The following ZNF546 variants were observed in gnomAD, a reference collection of about 807,000 sequenced individuals.
ZNF546 encodes the protein zinc finger protein 546.
Under a neutral mutation model 76.2 loss-of-function variants are expected in ZNF546, and 60 were observed. The ratio of observed to expected loss-of-function variants is 0.79; its 90% confidence interval spans 0.64 to 0.98. The LOEUF is 0.98. Among genes scored for constraint, ZNF546 ranks in the 50% least tolerant of loss-of-function variants. The pLI, the probability that ZNF546 is intolerant of heterozygous loss-of-function variation, is 0.00. For synonymous variants in ZNF546, 277 were observed against 328.1 expected, an observed-to-expected ratio of 0.84 and a Z score of 1.68; for missense variants, 936 against 1,035.6, an observed-to-expected ratio of 0.90 and a Z score of 1.32.
At chr19:40,013,640 C>CTTTTTTTTTTTTTTTTTTTT (rs546130223) in intron 6 of ZNF546, 25 bp from the exon 7 acceptor site, 1 of 970,936 alleles carries the variant, frequency 1.0e-6, no homozygotes, top group African/African-American at 2.1e-5. Flanking sequence ...TTACTCTTTG[C>CTTTTTTTTTTTTTTTTTTTT]TTTTTTTTTT....
At chr19:39,998,729 C>T (rs1454576174) in intron 3 of ZNF546, among the ~76,000 whole-genome samples, 1 of 152,118 alleles carries the variant, frequency 6.6e-6, no homozygotes, top group African/African-American at 2.4e-5. Flanking sequence ...ATAAAAAGTA[C>T]ATATGAGTAA....
Position 40,014,279 on chromosome 19 carries a change from G to T in ZNF546, c.1009G>T (p.Ala337Ser), listed in dbSNP as rs1015925134. The stretch of plus-strand genomic sequence containing the variant: ...TTATGAATGTAAAGAATGTGGGAAG[G>T]CCTTTAGACTTCATTATCAACTAAC... The part of the protein sequence containing the change: ...RPYECKECGK[A>S]FRLHYQLTEH... Residue 337 changes from alanine to serine, a missense_variant, in exon 7 of 7, where the codon GCC becomes TCC. Physicochemically the swap from Ala to Ser is moderately conservative, Grantham distance 99. Transcript: ENST00000347077. 3.0e-5 allele frequency: 48 copies of T among 1,613,896 alleles called. No individual in the cohort carries two copies. The highest frequency in any genetic ancestry group is 3.8e-5 in the Non-Finnish European group (45 of 1,179,966).
At position 40,019,696 on chromosome 19, in the gene ZNF546, A is replaced by C. The variant is rs1015891319; in HGVS notation, c.*3915A>C. The C allele has an allele frequency of 4.6e-5, 7 of 152,228 alleles. No individual in the cohort carries two copies. Among genetic ancestry groups the C allele is most frequent in the African/African-American group, 1.7e-4 (7 of 41,470 alleles). The allele number at this position is 152,228 out of a possible 1,614,324, so 9.4% of individuals were successfully genotyped here. On this transcript the variant is annotated 3_prime_UTR_variant, in exon 7 of 7. Transcript: ENST00000347077. The stretch of plus-strand genomic sequence containing the variant: ...TTCTTAAAAGGCAAAAATGTAGGTG[A>C]GTCATTACGAAGAAAGCAGAAATTC...
chr19:40,017,672 G>A lies in ZNF546; in HGVS notation c.*1891G>A, dbSNP rs1374665976. The A allele has an allele frequency of 2.0e-5, 3 of 152,094 alleles. No homozygotes were observed. Among genetic ancestry groups the A allele is most frequent in the African/African-American group, 7.2e-5 (3 of 41,414 alleles). The allele number at this position is 152,094 out of a possible 1,614,324, so 9.4% of individuals were successfully genotyped here. On this transcript the variant is annotated 3_prime_UTR_variant, in exon 7 of 7. Coordinates refer to ENST00000347077, the MANE Select transcript of ZNF546 (RefSeq NM_178544.5). ...TTTTTAAGCTCATCCGCCATTGTTA[G>A]CACATTTTATGTGTAGCCCAAGATA...
At chr19:40,011,248 C>CA (rs1971668370) in intron 6 of ZNF546, 1 of 148,242 alleles carries the variant, frequency 6.7e-6, no homozygotes, top group South Asian at 2.1e-4. Context: ...TTTTTTTTGA[C>CA]AGAGTCTCGC....
chr19:40,008,121 T>C (rs1971627734), intron 5 of ZNF546, among the ~76,000 whole-genome samples: 3 of 152,164 alleles, frequency 2.0e-5, no homozygotes, highest in South Asian at 4.1e-4. Flanking sequence ...TAAAAGTGAA[T>C]ATGTGCAGGG....
chr19:40,013,125 C>A (rs1012148104), intron 6 of ZNF546, among the ~76,000 whole-genome samples: 6 of 152,216 alleles, frequency 3.9e-5, no homozygotes, highest in Middle Eastern at 3.4e-3. Flanking sequence ...TTTTACAATT[C>A]TTAAAAGTCA....
At chr19:40,004,216 C>G (rs944717836) in intron 3 of ZNF546, among the ~76,000 whole-genome samples, 4 of 150,820 alleles carry the variant, frequency 2.7e-5, no homozygotes, top group African/African-American at 9.7e-5. Flanking sequence ...AAGGCTTTCT[C>G]TTATCAAAAT....
chr19:40,012,916 C>A (rs1971690318), intron 6 of ZNF546, among the ~76,000 whole-genome samples: 1 of 151,948 alleles, frequency 6.6e-6, no homozygotes, highest in South Asian at 2.1e-4. Context: ...TGGGTTCACG[C>A]CATTCTCCTG....
rs767489991 is a variant in ZNF546 at position 40,017,718 on chromosome 19, C to G, written c.*1937C>G. On this transcript the variant is annotated 3_prime_UTR_variant, in exon 7 of 7. Coordinates refer to ENST00000347077, the MANE Select transcript of ZNF546 (RefSeq NM_178544.5). ...AGATAATTCTTCTTCCAGTGTAACCCAGGGAAGCCAAAAGATTTGACCCCC... is the reference window on the plus strand; with the variant it reads ...AGATAATTCTTCTTCCAGTGTAACCGAGGGAAGCCAAAAGATTTGACCCCC... 1 of 152,038 alleles carries G rather than the reference C, an allele frequency of 6.6e-6. No individual in the cohort carries two copies. The highest frequency in any genetic ancestry group is 1.5e-5 in the Non-Finnish European group (1 of 68,020). 9.4% of individuals were successfully genotyped at this position (152,038 alleles called of 1,614,324 possible).
intron 3 of ZNF546, 81 bp from the exon 4 acceptor site, chr19:40,006,015 A>T (rs1393387957): frequency 8.4e-7 from 1 of 1,191,672 alleles, no homozygotes; most frequent in African/African-American, 1.5e-5. Context: ...AAATGATGGC[A>T]TAACAGGATC....
rs1971703034 is a variant in ZNF546, at chr19:40,013,754, A to C, written c.484A>C (p.Ser162Arg). The C allele has an allele frequency of 1.2e-6, 2 of 1,612,972 alleles. No individual in the cohort carries two copies. Among genetic ancestry groups the C allele is most frequent in the African/African-American group, 2.7e-5 (2 of 74,830 alleles). The change falls in exon 7 of 7, where the codon AGT becomes CGT. Residue 162 changes from serine (S) to arginine (R), a missense_variant. By Grantham distance (110) the Ser-to-Arg change is moderately radical. Coordinates refer to ENST00000347077, the MANE Select transcript of ZNF546 (RefSeq NM_178544.5). ...YLSQLQTGEK[S>R]KNTIHEDTIF... ...ATCTCAATTGCAGACAGGGGAAAAA[A>C]GTAAAAACACCATCCATGAGGACAC...
At chr19:40,007,236 ATTTAATT>A in intron 4 of ZNF546, 31 bp from the exon 5 acceptor site, 1 of 1,455,418 alleles carries the variant, frequency 6.9e-7, no homozygotes. Context: ...TTGAAAATAC[ATTTAATT>A]TTTTTTTAAT....
intron 6 of ZNF546, among the ~76,000 whole-genome samples, chr19:40,011,969 G>A (rs1971677097): frequency 6.6e-6 from 1 of 152,126 alleles, no homozygotes; most frequent in Admixed American, 6.5e-5. Flanking sequence ...TGTCTTTTCT[G>A]GGGGCCACAA....
chr19:40,020,193 A>G lies in ZNF546; in HGVS notation c.*4412A>G, dbSNP rs1471331634. The G allele has an allele frequency of 1.3e-5, 2 of 152,164 alleles. No individual in the cohort carries two copies. The highest frequency in any genetic ancestry group is 1.3e-4 in the Admixed American group (2 of 15,280). The allele number at this position is 152,164 out of a possible 1,614,324, so 9.4% of individuals were successfully genotyped here. ...TGTAACTCATTTCTTTAAGACTACC[A>G]TACTACCACTTTCCTCAACTTGGAC... On this transcript the variant is annotated 3_prime_UTR_variant, in exon 7 of 7. Transcript: ENST00000347077.
chr19:40,014,600 A>G lies in ZNF546; in HGVS notation c.1330A>G (p.Arg444Gly), dbSNP rs773512297. 3.5e-5 allele frequency: 56 copies of G among 1,613,506 alleles called. No individual in the cohort carries two copies. The South Asian group carries it at 5.9e-4, about 17-fold the overall frequency. ...IHTGEKPYEC[R>G]ECGKAFRLQT... is the part of the protein sequence containing the mutation. Reference sequence around the variant, plus strand: ...TACTGGTGAGAAACCCTATGAATGTAGAGAATGTGGAAAAGCCTTTCGTCT... The same window carrying G: ...TACTGGTGAGAAACCCTATGAATGTGGAGAATGTGGAAAAGCCTTTCGTCT... The change falls in exon 7 of 7, where the codon AGA becomes GGA. Residue 444 changes from arginine to glycine, a missense_variant. Transcript: ENST00000347077.
At chr19:40,002,794 G>C (rs1343699608) in intron 3 of ZNF546, among the ~76,000 whole-genome samples, 1 of 151,518 alleles carries the variant, frequency 6.6e-6, no homozygotes, top group East Asian at 1.9e-4. Flanking sequence ...CTGCCTCCCG[G>C]GTGGAAGCGA....
Position 39,998,225 on chromosome 19 carries a change from G to A in ZNF546, c.-79-23G>A, listed in dbSNP as rs967570794. The A allele has an allele frequency of 1.1e-4, 90 of 811,910 alleles. 1 individual carries two copies. The highest frequency in any genetic ancestry group is 1.3e-4 in the Non-Finnish European group (64 of 492,228). The allele number at this position is 811,910 out of a possible 1,614,324, so 50.3% of individuals were successfully genotyped here. On this transcript the variant is annotated intron_variant, in intron 2 of 6. Transcript: ENST00000347077. ...TCTTTAAGTAAATCTTTAAATAAAT[G>A]CATAAAATGTTTTTGTTTTTAGGAA...
chr19:40,014,408 A>G lies in ZNF546; in HGVS notation c.1138A>G (p.Thr380Ala). ...TATTAGTCAACATCAGAAAATTCATACTGGTGTCAAACCCTATAAATGTAA... is the reference window on the plus strand; with the variant it reads ...TATTAGTCAACATCAGAAAATTCATGCTGGTGTCAAACCCTATAAATGTAA... ...RHISQHQKIH[T>A]GVKPYKCNEC... is the part of the protein sequence containing the mutation. The change falls in exon 7 of 7, where the codon ACT becomes GCT. Residue 380 changes from threonine (T) to alanine (A), a missense_variant. Physicochemically the swap from Thr to Ala is moderately conservative, Grantham distance 58. Coordinates refer to ENST00000347077, the MANE Select transcript of ZNF546 (RefSeq NM_178544.5). 2 of 1,613,078 alleles carry G rather than the reference A, an allele frequency of 1.2e-6. No homozygotes were observed.
Sources: allele counts gnomAD v4.1 joint callset (sites outside exome capture counted in the v4.1 genomes callset), GRCh38; gene constraint gnomAD v4.1.1; transcripts MANE v1.5; gene names NCBI Gene and HGNC (gene_info 2026-07-23, HGNC 2026-07-21).